NWD2: variants seen among roughly 807,000 people sequenced by gnomAD.
NWD2 encodes the protein NACHT and WD repeat domain containing 2, also known as NACHT and WD repeat domain-containing protein 2.
NWD2 carries 37 observed loss-of-function variants against 132.7 expected under a neutral mutation model. The ratio of observed to expected loss-of-function variants is 0.28; its 90% CI spans 0.21 to 0.37. The LOEUF (loss-of-function observed/expected upper bound fraction) is 0.37. Ranked by LOEUF, NWD2 falls within the 10% of genes least tolerant of loss-of-function variation. The probability of loss-of-function intolerance (pLI) is 1.00; values close to 1 mark genes in which losing one functional copy is unlikely to be tolerated. For missense variants in NWD2, 1,592 were observed against 2,122.4 expected, an observed-to-expected ratio of 0.75 and a Z score of 4.91; for synonymous variants, 705 against 803.0, an observed-to-expected ratio of 0.88 and a Z score of 2.06.
chr4:37,320,986 G>A (rs73240370), intron 1 of NWD2, among the ~76,000 whole-genome samples: 24,530 of 151,970 alleles, frequency 0.16, 2,390 homozygotes, highest in South Asian at 0.33. Flanking sequence ...GTAAAACCCC[G>A]TCTGTACTAA....
chr4:37,435,361 C>T (rs140555019), intron 5 of NWD2, among the ~76,000 whole-genome samples: 21 of 152,268 alleles, frequency 1.4e-4, no homozygotes, highest in Admixed American at 3.3e-4. Flanking sequence ...AAGTTACAAA[C>T]CATTTTGACA....
At chr4:37,254,181 A>G (rs1025785833) in intron 1 of NWD2, among the ~76,000 whole-genome samples, 3 of 152,226 alleles carry the variant, frequency 2.0e-5, no homozygotes, top group Non-Finnish European at 4.4e-5. Flanking sequence ...ACAAACCTGC[A>G]CTTGTATCCT....
chr4:37,416,808 G>T (rs1050001869), intron 3 of NWD2, among the ~76,000 whole-genome samples: 1 of 152,190 alleles, frequency 6.6e-6, no homozygotes, highest in African/African-American at 2.4e-5. Context: ...AGCAACCCGG[G>T]TGGAATTGGA....
At chr4:37,256,486 A>G (rs1470833693) in intron 1 of NWD2, among the ~76,000 whole-genome samples, 2 of 152,200 alleles carry the variant, frequency 1.3e-5, no homozygotes, top group Non-Finnish European at 2.9e-5. Context: ...CTAAGCAAAG[A>G]GTAGCTTCAG....
intron 1 of NWD2, among the ~76,000 whole-genome samples, chr4:37,287,225 C>G (rs1718252017): frequency 6.6e-6 from 1 of 152,234 alleles, no homozygotes; most frequent in Non-Finnish European, 1.5e-5. Flanking sequence ...TGGAGCTGCT[C>G]AGATTCTCAA....
chr4:37,360,238 C>A (rs1719952305), intron 3 of NWD2, among the ~76,000 whole-genome samples: 1 of 152,102 alleles, frequency 6.6e-6, no homozygotes, highest in South Asian at 2.1e-4. Flanking sequence ...AAAAGGCTAA[C>A]AACCAGTAAT....
chr4:37,432,910 G>A (rs903973642), intron 4 of NWD2, among the ~76,000 whole-genome samples: 1 of 152,120 alleles, frequency 6.6e-6, no homozygotes, highest in African/African-American at 2.4e-5. Flanking sequence ...TGCAAAGAAG[G>A]CATGGATATC....
chr4:37,432,701 A>G (rs971484329), intron 4 of NWD2, among the ~76,000 whole-genome samples: 1 of 152,136 alleles, frequency 6.6e-6, no homozygotes, highest in African/African-American at 2.4e-5. Flanking sequence ...TTTTTCTTTA[A>G]CATCTTAAAC....
intron 3 of NWD2, among the ~76,000 whole-genome samples, chr4:37,385,529 C>T (rs1720541957): frequency 6.6e-6 from 1 of 152,188 alleles, no homozygotes; most frequent in African/African-American, 2.4e-5. Flanking sequence ...TGCCTAATTT[C>T]ATCTCCCAGA....
At chr4:37,433,627 A>G (rs1184116668) in intron 4 of NWD2, among the ~76,000 whole-genome samples, 1 of 152,240 alleles carries the variant, frequency 6.6e-6, no homozygotes, top group Non-Finnish European at 1.5e-5. Context: ...AAAGCATGGT[A>G]TATAAGAAAG....
chr4:37,252,045 C>G (rs17492813), intron 1 of NWD2, among the ~76,000 whole-genome samples: 1 of 152,020 alleles, frequency 6.6e-6, no homozygotes, highest in Non-Finnish European at 1.5e-5. Context: ...TAAACCAACT[C>G]GAGGTGTGGA....
chr4:37,438,941 G>A lies in NWD2; in HGVS notation c.847G>A (p.Gly283Arg). Reference protein sequence around the residue: ...PEMGKYMDITGTEPRIIRDPE... With the variant: ...PEMGKYMDITRTEPRIIRDPE... The stretch of plus-strand genomic sequence containing the variant: ...GATGGGAAAATACATGGATATAACT[G>A]GAACAGAACCGAGGATTATTCGGGA... Residue 283 changes from glycine (G) to arginine (R), a missense_variant, in exon 6 of 7, where the codon GGA becomes AGA. Coordinates refer to ENST00000309447, the MANE Select transcript of NWD2 (RefSeq NM_001144990.2). 1 of 1,552,024 alleles carries A rather than the reference G, an allele frequency of 6.4e-7. No homozygotes were observed. Among genetic ancestry groups the A allele is most frequent in the Non-Finnish European group, 8.7e-7 (1 of 1,147,058 alleles).
chr4:37,430,706 T>C lies in NWD2; in HGVS notation c.492T>C (p.Asp164=), dbSNP rs1403216510. Residue 164 remains aspartate, a synonymous_variant, in exon 4 of 7, where the codon GAT becomes GAC. Transcript: ENST00000309447. ...TKLLEEWYCR[D]ENSVPAAYYL... is the part of the protein sequence containing the mutation. ...TGCTGGAGGAGTGGTACTGTCGAGA[T>C]GAGAACTCGGTGCCAGCAGCCTATT... 1 of 1,551,576 alleles carries C rather than the reference T, an allele frequency of 6.4e-7. No homozygotes were observed. Among genetic ancestry groups the C allele is most frequent in the Admixed American group, 2.0e-5 (1 of 50,988 alleles).
chr4:37,278,201 C>G (rs755110260), intron 1 of NWD2, among the ~76,000 whole-genome samples: 19 of 152,056 alleles, frequency 1.2e-4, no homozygotes, highest in Non-Finnish European at 2.5e-4. Flanking sequence ...ATTTACATAA[C>G]CTTAGGTTTA....
At chr4:37,336,765 C>T (rs562340522) in intron 2 of NWD2, among the ~76,000 whole-genome samples, 12 of 151,880 alleles carry the variant, frequency 7.9e-5, no homozygotes, top group South Asian at 2.1e-4. Context: ...ATGGTGAAAC[C>T]CCGTCTCTAC....
chr4:37,348,132 T>A (rs1305961399), intron 2 of NWD2, among the ~76,000 whole-genome samples: 1 of 152,140 alleles, frequency 6.6e-6, no homozygotes, highest in African/African-American at 2.4e-5. Context: ...CCCATAAGGA[T>A]CTCGAACTAA....
At chr4:37,277,855 GATT>G (rs1048408214) in intron 1 of NWD2, among the ~76,000 whole-genome samples, 11 of 152,030 alleles carry the variant, frequency 7.2e-5, no homozygotes, top group African/African-American at 2.7e-4. Context: ...TTTCCCTGAA[GATT>G]ATTGTTTTTT....
intron 2 of NWD2, among the ~76,000 whole-genome samples, chr4:37,342,683 A>C (rs1381369326): frequency 6.6e-6 from 1 of 152,180 alleles, no homozygotes; most frequent in Non-Finnish European, 1.5e-5. Flanking sequence ...TCATAGATAG[A>C]GGTCCTGCCT....
chr4:37,357,765 A>G (rs1229496777), intron 3 of NWD2, among the ~76,000 whole-genome samples: 1 of 152,172 alleles, frequency 6.6e-6, no homozygotes, highest in East Asian at 1.9e-4. Flanking sequence ...GCTATGGAGA[A>G]AAATAGAGAA....
Sources: gnomAD v4.1 joint callset for allele counts (sites outside exome capture counted in the v4.1 genomes callset) on GRCh38, gnomAD v4.1.1 for gene constraint, MANE v1.5 for transcripts, NCBI Gene and HGNC (gene_info 2026-07-23, HGNC 2026-07-21) for gene names.